Variants in OR2L13 observed in about 807,000 individuals in gnomAD.
OR2L13 encodes olfactory receptor family 2 subfamily L member 13.
In OR2L13, 14 loss-of-function variants were observed where a neutral mutation model predicts 15.3. The observed-to-expected ratio is 0.91, with a 90% CI of 0.60 to 1.43. The LOEUF is 1.43. Among genes scored for constraint, OR2L13 ranks in the 40% most tolerant of loss-of-function variants. The pLI, the probability that OR2L13 is intolerant of heterozygous loss-of-function variation, is 0.00. For synonymous variants in OR2L13, 152 were observed against 142.9 expected, an observed-to-expected ratio of 1.06 and a Z score of -0.45; for missense variants, 367 against 387.9, an observed-to-expected ratio of 0.95 and a Z score of 0.45.
the OR2L13 span, among the ~76,000 whole-genome samples, chr1:247,988,780 G>T: frequency 3.3e-5 from 5 of 152,140 alleles, no homozygotes; most frequent in African/African-American, 7.2e-5. Flanking sequence ...TCAAGTTGCT[G>T]CTTCCTTTTT....
At chr1:248,085,211 C>T in the OR2L13 span, among the ~76,000 whole-genome samples, 2 of 151,572 alleles carry the variant, frequency 1.3e-5, no homozygotes, top group African/African-American at 4.8e-5. Context: ...ACCTCCACTG[C>T]CTCCATTATA....
the OR2L13 span, chr1:248,022,850 A>G: frequency 6.2e-7 from 1 of 1,612,126 alleles, no homozygotes; most frequent in Non-Finnish European, 8.5e-7. Context: ...GGGCCCTGAC[A>G]CGAGTGATTC....
the OR2L13 span, among the ~76,000 whole-genome samples, chr1:247,989,111 A>G: frequency 6.6e-6 from 1 of 152,140 alleles, no homozygotes; most frequent in Non-Finnish European, 1.5e-5. Context: ...AAATTGGATG[A>G]GAAGGCAAAA....
chr1:247,954,990 C>A, the OR2L13 span, among the ~76,000 whole-genome samples: 2 of 151,766 alleles, frequency 1.3e-5, no homozygotes, highest in South Asian at 2.1e-4. Flanking sequence ...GGTACATGTG[C>A]ATAACGTGCA....
chr1:248,078,855 A>G, the OR2L13 span, among the ~76,000 whole-genome samples: 1 of 149,852 alleles, frequency 6.7e-6, no homozygotes, highest in Non-Finnish European at 1.5e-5. Context: ...TACTTTGTAA[A>G]AAAAAGAAAA....
chr1:248,070,896 G>A, the OR2L13 span, among the ~76,000 whole-genome samples: 26 of 152,220 alleles, frequency 1.7e-4, no homozygotes, highest in South Asian at 2.1e-3. Flanking sequence ...TAAATTCCTC[G>A]ACACATACAC....
chr1:248,010,272 G>A, the OR2L13 span, among the ~76,000 whole-genome samples: 1 of 152,132 alleles, frequency 6.6e-6, no homozygotes, highest in Non-Finnish European at 1.5e-5. Context: ...GAACCGCATA[G>A]TCTCAGCCCA....
the OR2L13 span, among the ~76,000 whole-genome samples, chr1:248,013,160 T>G: frequency 6.6e-6 from 1 of 152,142 alleles, no homozygotes; most frequent in Non-Finnish European, 1.5e-5. Flanking sequence ...ATGTTTTAAT[T>G]AAATTAACCT....
the OR2L13 span, among the ~76,000 whole-genome samples, chr1:247,973,462 C>G: frequency 6.6e-6 from 1 of 152,084 alleles, no homozygotes; most frequent in Admixed American, 6.6e-5. Context: ...GCAAAAATCA[C>G]TAGCATTCTT....
the OR2L13 span, among the ~76,000 whole-genome samples, chr1:248,033,610 T>G: frequency 1.8e-3 from 2 of 1,136 alleles, no homozygotes; most frequent in Non-Finnish European, 0.5. Flanking sequence ...CTAATTTTTG[T>G]TTTTTTTTTT....
At chr1:248,097,017 C>T (rs149984340), upstream of OR2L13, among the ~76,000 whole-genome samples, 73 of 152,216 alleles carry the variant, frequency 4.8e-4, no homozygotes, top group African/African-American at 1.8e-3. Context: ...CCTATCAATC[C>T]CCTAAACCAC....
chr1:248,088,384 C>G, the OR2L13 span, among the ~76,000 whole-genome samples: 1 of 152,140 alleles, frequency 6.6e-6, no homozygotes, highest in Non-Finnish European at 1.5e-5. Context: ...TGTTTTTAAT[C>G]TCACTTCTAT....
the OR2L13 span, among the ~76,000 whole-genome samples, chr1:247,981,861 G>A: frequency 6.6e-6 from 1 of 151,572 alleles, no homozygotes; most frequent in African/African-American, 2.4e-5. Flanking sequence ...TGTCGCCCAG[G>A]CTGGAGTGCA....
At chr1:248,016,998 A>G in the OR2L13 span, among the ~76,000 whole-genome samples, 1 of 152,150 alleles carries the variant, frequency 6.6e-6, no homozygotes, top group East Asian at 1.9e-4. Context: ...ATAGTCAATA[A>G]AAGTTCATAA....
chr1:248,044,096 A>T, the OR2L13 span, among the ~76,000 whole-genome samples: 139 of 152,142 alleles, frequency 9.1e-4, 1 homozygote, highest in Middle Eastern at 0.01. Flanking sequence ...GGAATACCAA[A>T]CTTTCTGGGA....
At chr1:247,989,703 T>A in the OR2L13 span, among the ~76,000 whole-genome samples, 4 of 152,200 alleles carry the variant, frequency 2.6e-5, no homozygotes, top group Non-Finnish European at 4.4e-5. Flanking sequence ...AAGGACTTTT[T>A]AAAAACTATT....
At chr1:248,089,161 C>G in the OR2L13 span, among the ~76,000 whole-genome samples, 1 of 151,958 alleles carries the variant, frequency 6.6e-6, no homozygotes, top group Non-Finnish European at 1.5e-5. Flanking sequence ...CTGGCTGGAA[C>G]GAAGCATGGA....
the OR2L13 span, among the ~76,000 whole-genome samples, chr1:248,004,245 A>C: frequency 1.3e-5 from 2 of 152,166 alleles, no homozygotes; most frequent in Non-Finnish European, 2.9e-5. Flanking sequence ...ATTCTAAACA[A>C]CCTTTTTCTT....
chr1:247,950,160 T>C, the OR2L13 span, among the ~76,000 whole-genome samples: 15 of 152,212 alleles, frequency 9.9e-5, no homozygotes, highest in Non-Finnish European at 4.4e-5. Context: ...TTTTTGGTTA[T>C]GTCTAAAACA....
Sources: allele counts gnomAD v4.1 joint callset (sites outside exome capture counted in the v4.1 genomes callset), GRCh38; gene constraint gnomAD v4.1.1; transcripts MANE v1.5; gene names NCBI Gene and HGNC (gene_info 2026-07-23, HGNC 2026-07-21).